UBE2U: variants seen among roughly 807,000 people sequenced by gnomAD.
The protein encoded by UBE2U is ubiquitin conjugating enzyme E2 U.
Under a neutral mutation model 41.2 loss-of-function variants are expected in UBE2U, and 39 were observed. That is an observed-to-expected ratio of 0.95 (90% CI 0.73 to 1.24). The LOEUF is 1.24. Ranked by LOEUF, UBE2U falls within the 50% of genes most tolerant of loss-of-function variation. UBE2U has a pLI of 0.00. For missense variants in UBE2U, 336 were observed against 363.1 expected (o/e 0.93, Z 0.61); for synonymous variants, 107 against 117.8 (o/e 0.91, Z 0.60).
intron 8 of UBE2U, among the ~76,000 whole-genome samples, chr1:64,254,790 T>C (rs1178060290): frequency 1.3e-5 from 2 of 152,030 alleles, no homozygotes; most frequent in Admixed American, 6.6e-5. Flanking sequence ...GAGAGGGAAA[T>C]TTATAGCACT....
At chr1:64,222,091 CAAAA>C (rs10632119) in intron 6 of UBE2U, among the ~76,000 whole-genome samples, 31 of 98,032 alleles carry the variant, frequency 3.2e-4, no homozygotes, top group Middle Eastern at 0.011. Context: ...GACTCCATCT[CAAAA>C]AAAAAAAAAA....
At chr1:64,221,006 AATTT>A in intron 6 of UBE2U, 99 bp downstream of exon 6, 1 of 802,290 alleles carries the variant, frequency 1.2e-6, no homozygotes, top group Non-Finnish European at 1.9e-6. Flanking sequence ...GTTTGTTTTT[AATTT>A]AGAAACATCT....
intron 6 of UBE2U, among the ~76,000 whole-genome samples, chr1:64,231,450 T>C (rs866575129): frequency 6.6e-6 from 1 of 152,222 alleles, no homozygotes; most frequent in Non-Finnish European, 1.5e-5. Flanking sequence ...CATGTTAGTT[T>C]AGTATATCAT....
At chr1:64,231,517 T>A (rs984850434) in intron 6 of UBE2U, among the ~76,000 whole-genome samples, 1 of 152,236 alleles carries the variant, frequency 6.6e-6, no homozygotes, top group African/African-American at 2.4e-5. Flanking sequence ...ATGATTAATT[T>A]ATCTTCCTCA....
In UBE2U at chr1:64,260,609, C is replaced by T. The variant is rs1217166137; in HGVS notation, c.684C>T (p.Ser228=). The T allele has an allele frequency of 1.6e-5, 24 of 1,547,358 alleles. 1 individual carries two copies. The highest frequency in any genetic ancestry group is 9.6e-5 in the South Asian group (8 of 83,556). ...QHQKEWNLKY[S]VIKCWLARKR... The stretch of plus-strand genomic sequence containing the variant: ...TTTCTTTTTCTCTTTCTAGGTATTC[C>T]GTTATCAAGTGTTGGCTTGCTAGAA... The change falls in exon 9 of 10, where the codon TCC becomes TCT. Residue 228 remains serine (S), a synonymous_variant. Transcript: ENST00000371077.
At chr1:64,225,962 T>C (rs1248249483) in intron 6 of UBE2U, among the ~76,000 whole-genome samples, 5 of 152,244 alleles carry the variant, frequency 3.3e-5, no homozygotes, top group Admixed American at 6.5e-5. Context: ...TTTAAGTTTC[T>C]TATAATGTCA....
At chr1:64,256,237 A>G (rs1645088749) in intron 8 of UBE2U, among the ~76,000 whole-genome samples, 1 of 152,164 alleles carries the variant, frequency 6.6e-6, no homozygotes, top group Non-Finnish European at 1.5e-5. Flanking sequence ...TTAAACTACC[A>G]TTGACATTCT....
chr1:64,207,656 T>C (rs1273728962), intron 3 of UBE2U, among the ~76,000 whole-genome samples: 1 of 152,308 alleles, frequency 6.6e-6, no homozygotes, highest in East Asian at 1.9e-4. Flanking sequence ...CTTAAAGTTA[T>C]ACACAAAACC....
chr1:64,213,498 C>A (rs1280027147), intron 4 of UBE2U, among the ~76,000 whole-genome samples: 1 of 152,066 alleles, frequency 6.6e-6, no homozygotes, highest in South Asian at 2.1e-4. Flanking sequence ...CCAACAGTAC[C>A]CTGAGCAGAT....
At chr1:64,246,438 G>A (rs917385425) in intron 8 of UBE2U, among the ~76,000 whole-genome samples, 1 of 152,068 alleles carries the variant, frequency 6.6e-6, no homozygotes, top group Non-Finnish European at 1.5e-5. Context: ...ATTTAAACAT[G>A]TTTTTTATAA....
At chr1:64,255,433 A>T (rs932010970) in intron 8 of UBE2U, among the ~76,000 whole-genome samples, 1 of 152,226 alleles carries the variant, frequency 6.6e-6, no homozygotes. Context: ...AGTCAGCATC[A>T]TCCTGATACC....
At chr1:64,249,912 T>C (rs1052209757) in intron 8 of UBE2U, among the ~76,000 whole-genome samples, 1 of 151,962 alleles carries the variant, frequency 6.6e-6, no homozygotes, top group Non-Finnish European at 1.5e-5. Flanking sequence ...GACCAAGAAG[T>C]TCAATGAATC....
At chr1:64,233,914 C>T (rs1644617912) in intron 7 of UBE2U, among the ~76,000 whole-genome samples, 1 of 152,190 alleles carries the variant, frequency 6.6e-6, no homozygotes, top group South Asian at 2.1e-4. Context: ...TTCTTACTTG[C>T]ACTCCCATTA....
chr1:64,227,567 C>G (rs1472576756), intron 6 of UBE2U, among the ~76,000 whole-genome samples: 1 of 152,118 alleles, frequency 6.6e-6, no homozygotes, highest in African/African-American at 2.4e-5. Context: ...TTTGGGAGGC[C>G]AAGGTGGGCA....
chr1:64,239,748 T>G (rs544324177), intron 7 of UBE2U, among the ~76,000 whole-genome samples: 11 of 152,274 alleles, frequency 7.2e-5, no homozygotes, highest in Middle Eastern at 3.4e-3. Context: ...TGTGTCACAT[T>G]TTCTTAATCC....
intron 8 of UBE2U, among the ~76,000 whole-genome samples, chr1:64,249,505 G>A (rs1188035014): frequency 6.6e-6 from 1 of 151,006 alleles, no homozygotes; most frequent in African/African-American, 2.4e-5. Flanking sequence ...AACAGATACA[G>A]ACTTTAAAGC....
At chr1:64,238,756 G>A (rs1264185885) in intron 7 of UBE2U, among the ~76,000 whole-genome samples, 9 of 151,794 alleles carry the variant, frequency 5.9e-5, no homozygotes, top group East Asian at 2.0e-4. Flanking sequence ...AGAAGAAAGC[G>A]CCAGGCTGGG....
intron 8 of UBE2U, among the ~76,000 whole-genome samples, chr1:64,244,847 A>T (rs1451272023): frequency 6.6e-6 from 1 of 152,214 alleles, no homozygotes; most frequent in African/African-American, 2.4e-5. Context: ...CCTGGCAAAT[A>T]GTAGGCACTC....
At chr1:64,220,473 GTCA>G (rs1275594444) in intron 5 of UBE2U, among the ~76,000 whole-genome samples, 1 of 152,134 alleles carries the variant, frequency 6.6e-6, no homozygotes, top group Non-Finnish European at 1.5e-5. Flanking sequence ...GTGAGCAGTG[GTCA>G]TCATGTGATT....
Sources: allele counts gnomAD v4.1 joint callset (sites outside exome capture counted in the v4.1 genomes callset), GRCh38; gene constraint gnomAD v4.1.1; transcripts MANE v1.5; gene names NCBI Gene and HGNC (gene_info 2026-07-23, HGNC 2026-07-21).